Variants in ERG observed in about 807,000 individuals in gnomAD.
The protein encoded by ERG is ETS transcription factor ERG, also known as transcriptional regulator ERG.
Under a neutral mutation model 55.3 loss-of-function variants are expected in ERG, and 9 were observed. That is an observed-to-expected ratio of 0.16 (90% CI 0.10 to 0.28). The LOEUF is 0.28. ERG is among the 10% of genes least tolerant of loss of function. The pLI is 1.00. For synonymous variants in ERG, 223 were observed against 237.3 expected (o/e 0.94, Z 0.55); for missense variants, 434 against 631.6 (o/e 0.69, Z 3.35).
chr21:38,367,741 A>T, the ERG span: 2 of 458,748 alleles, frequency 4.4e-6, no homozygotes, highest in Non-Finnish European at 8.5e-6. Flanking sequence ...TTCTGCACAG[A>T]CTTTCATCAA....
intron 2 of ERG, among the ~76,000 whole-genome samples, chr21:38,425,720 T>C (rs994900690): frequency 6.6e-6 from 1 of 152,216 alleles, no homozygotes; most frequent in African/African-American, 2.4e-5. Flanking sequence ...TGAAGCCTCA[T>C]TTATCTCCTC....
Position 38,403,582 on chromosome 21 carries a change from G to A in ERG, c.516C>T (p.Thr172=), listed in dbSNP as rs375137589. 6.2e-7 allele frequency: 1 copy of A among 1,614,012 alleles called. No homozygotes were observed. The highest frequency in any genetic ancestry group is 8.5e-7 in the Non-Finnish European group (1 of 1,180,014). ...NIDGKELCKM[T]KDDFQRLTPS... ...GGGTGAGCCTCTGGAAGTCGTCCTT[G>A]GTCATCTTGCACAGTTCCTTCCCAT... Residue 172 remains threonine (T), a synonymous_variant, in exon 4 of 10, where the codon ACC becomes ACT. Transcript: ENST00000288319.
intron 1 of ERG, among the ~76,000 whole-genome samples, chr21:38,456,760 A>ACTCCCTGGGGCTGGGATG (rs1234050080): frequency 6.6e-6 from 1 of 151,908 alleles, no homozygotes; most frequent in Non-Finnish European, 1.5e-5. Context: ...ATGATGTCTG[A>ACTCCCTGGGGCTGGGATG]CTCCCTGGGG....
chr21:38,559,748 C>T (rs2059881357), intron 2 of ERG, among the ~76,000 whole-genome samples: 4 of 152,146 alleles, frequency 2.6e-5, no homozygotes, highest in African/African-American at 9.7e-5. Flanking sequence ...ATGGCACGGT[C>T]TTGGCTCACT....
intron 2 of ERG, among the ~76,000 whole-genome samples, chr21:38,554,099 C>A (rs918817845): frequency 2.6e-5 from 4 of 152,134 alleles, no homozygotes; most frequent in African/African-American, 9.7e-5. Flanking sequence ...CATCACTAAT[C>A]ACTAGAGAAA....
intron 1 of ERG, among the ~76,000 whole-genome samples, chr21:38,496,012 TCA>T (rs1489210253): frequency 6.6e-6 from 1 of 152,184 alleles, no homozygotes; most frequent in Non-Finnish European, 1.5e-5. Context: ...ATCTTAAAAT[TCA>T]CAGACACTTA....
chr21:38,571,507 T>A lies in ERG; in HGVS notation c.-41+4155A>T, dbSNP rs187520633. On this transcript the variant is annotated intron_variant, in intron 2 of 8. Transcript: ENST00000398897. ...GCCTGGGCAACAGAGCAAGACTATG[T>A]CTTAAAAAAAATAAATAAAAATAAA... 1.9e-3 allele frequency among the ~76,000 whole-genome samples: 289 copies of A among 151,824 alleles called. 2 individuals carry two copies. The highest frequency in any genetic ancestry group is 6.5e-3 in the African/African-American group (267 of 41,390).
chr21:38,501,258 G>A (rs2059419317), upstream of ERG, among the ~76,000 whole-genome samples: 1 of 151,268 alleles, frequency 6.6e-6, no homozygotes, highest in African/African-American at 2.4e-5. Context: ...TAGTAGAGAC[G>A]GGGTTTCACC....
At chr21:38,588,712 T>C (rs977193846), upstream of ERG, among the ~76,000 whole-genome samples, 1 of 152,160 alleles carries the variant, frequency 6.6e-6, no homozygotes, top group Non-Finnish European at 1.5e-5. Flanking sequence ...TGCAAAGCAC[T>C]GCTTTCTGTT....
At chr21:38,511,919 T>A (rs985581252) in intron 2 of ERG, among the ~76,000 whole-genome samples, 1 of 152,188 alleles carries the variant, frequency 6.6e-6, no homozygotes, top group Non-Finnish European at 1.5e-5. Flanking sequence ...TGGCCAACTG[T>A]CCCTAAAGGT....
chr21:38,447,421 A>G (rs995730203), intron 1 of ERG, among the ~76,000 whole-genome samples: 1 of 151,342 alleles, frequency 6.6e-6, no homozygotes, highest in African/African-American at 2.4e-5. Flanking sequence ...GAGAACCAGA[A>G]TCAGGCACAA....
rs184354572 is a variant in ERG, at chr21:38,615,872, G to T, written c.-149-30927C>A. ...AGTTGAGAAGAGATGCATACAGTCA[G>T]CTCTCAGGAGCTGCCAAGAGTCAGC... On this transcript the variant is annotated intron_variant, in intron 1 of 10. Transcript: ENST00000398910. 6.4e-4 allele frequency among the ~76,000 whole-genome samples: 97 copies of T among 152,124 alleles called. 2 individuals carry two copies. The East Asian group carries it at 0.016, about 26-fold the overall frequency.
Position 38,402,536 on chromosome 21 carries a change from CA to C in ERG, c.673+20del. The C allele has an allele frequency of 6.3e-7, 1 of 1,596,974 alleles. No individual in the cohort carries two copies. Among genetic ancestry groups the C allele is most frequent in the Non-Finnish European group, 8.6e-7 (1 of 1,167,250 alleles). ...AAGACCCTACGCTCTTGCTGGGAGG[CA>C]GGGGCGGGGCCAGCATTACCTGTGT... On this transcript the variant is annotated intron_variant, in intron 5 of 9. Transcript: ENST00000288319.
At chr21:38,412,302 A>C (rs1322907948) in intron 3 of ERG, among the ~76,000 whole-genome samples, 1 of 151,378 alleles carries the variant, frequency 6.6e-6, no homozygotes, top group Non-Finnish European at 1.5e-5. Context: ...TTCTTCATTC[A>C]CTTTTTTTTC....
chr21:38,643,315 C>A (rs1027617527), intron 1 of ERG, among the ~76,000 whole-genome samples: 2 of 152,152 alleles, frequency 1.3e-5, no homozygotes, highest in Non-Finnish European at 2.9e-5. Flanking sequence ...AATTGGTAGT[C>A]TCAGGACTAA....
upstream of ERG, among the ~76,000 whole-genome samples, chr21:38,501,536 A>C (rs2059421083): frequency 6.6e-6 from 1 of 152,132 alleles, no homozygotes; most frequent in Admixed American, 6.6e-5. Context: ...CCTAAGAACC[A>C]GGCTGCCTTT....
At chr21:38,554,116 C>A (rs1450156957) in intron 2 of ERG, among the ~76,000 whole-genome samples, 1 of 151,994 alleles carries the variant, frequency 6.6e-6, no homozygotes, top group Non-Finnish European at 1.5e-5. Context: ...GAAAAGCAAA[C>A]CAAAACCACC....
chr21:38,399,711 TA>T (rs1988396389), intron 6 of ERG, among the ~76,000 whole-genome samples: 1 of 152,246 alleles, frequency 6.6e-6, no homozygotes, highest in South Asian at 2.1e-4. Context: ...AAAGCATCTT[TA>T]TGCCTTTCAT....
At chr21:38,612,249 T>G (rs2060232041) in intron 1 of ERG, among the ~76,000 whole-genome samples, 1 of 152,206 alleles carries the variant, frequency 6.6e-6, no homozygotes, top group East Asian at 1.9e-4. Context: ...TCCTCAAAAA[T>G]AGCTTTCTAA....
Sources: gnomAD v4.1 joint callset for allele counts (sites outside exome capture counted in the v4.1 genomes callset) on GRCh38, gnomAD v4.1.1 for gene constraint, MANE v1.5 for transcripts, NCBI Gene and HGNC (gene_info 2026-07-23, HGNC 2026-07-21) for gene names.